Variants in AUTS2 observed in about 807,000 individuals in gnomAD.
AUTS2 encodes the protein autism susceptibility gene 2 protein.
A neutral mutation model predicts 112.4 loss-of-function variants in AUTS2; 17 were observed. That is an observed-to-expected ratio of 0.15 (90% CI 0.10 to 0.23). AUTS2 has a LOEUF of 0.23. Among genes scored for constraint, AUTS2 ranks in the 10% least tolerant of loss-of-function variants. The pLI is 1.00. For synonymous variants in AUTS2, 751 were observed against 702.7 expected (o/e 1.07, Z -1.09); for missense variants, 1,510 against 1,701.6 (o/e 0.89, Z 1.98).
intron 2 of AUTS2, among the ~76,000 whole-genome samples, chr7:70,022,767 T>C (rs150918844): frequency 1.0e-3 from 154 of 152,288 alleles, no homozygotes; most frequent in African/African-American, 3.6e-3. Context: ...GCTAGGTGCT[T>C]TGCTTTTTGC....
Position 69,997,085 on chromosome 7 carries a change from G to C in AUTS2, c.522+97587G>C, listed in dbSNP as rs80353386. Among the ~76,000 whole-genome samples the C allele has an allele frequency of 2.6e-5, 4 of 152,166 alleles. No homozygotes were observed. The East Asian group carries it at 5.8e-4, about 22-fold the overall frequency. On this transcript the variant is annotated intron_variant, in intron 2 of 18. Coordinates refer to ENST00000342771, the MANE Select transcript of AUTS2 (RefSeq NM_015570.4). ...TGTGCAGCCAGGGTTGAGATTTAAC[G>C]GTCTATCCTAAGTGCTTCTTAAGGT...
chr7:70,508,340 G>C (rs1448343767), intron 5 of AUTS2, among the ~76,000 whole-genome samples: 1 of 152,192 alleles, frequency 6.6e-6, no homozygotes, highest in Non-Finnish European at 1.5e-5. Flanking sequence ...ATAGTAGCCA[G>C]GGAGAAGTGT....
chr7:69,696,226 C>G (rs1401216529), intron 1 of AUTS2, among the ~76,000 whole-genome samples: 3 of 152,154 alleles, frequency 2.0e-5, no homozygotes, highest in African/African-American at 7.2e-5. Context: ...TCAAGAGGAC[C>G]TCTGTTCTTC....
intron 4 of AUTS2, among the ~76,000 whole-genome samples, chr7:70,334,254 G>A (rs73434832): frequency 0.014 from 2,063 of 152,214 alleles, 65 homozygotes; most frequent in African/African-American, 0.047. Flanking sequence ...TCATGTTGAG[G>A]CAATTCCCTT....
chr7:70,311,146 G>T (rs962640091), intron 4 of AUTS2, among the ~76,000 whole-genome samples: 3 of 152,188 alleles, frequency 2.0e-5, no homozygotes, highest in Admixed American at 6.5e-5. Flanking sequence ...AGTGGATAAA[G>T]ATGGGACTTA....
intron 5 of AUTS2, among the ~76,000 whole-genome samples, chr7:70,696,289 A>G (rs1214556768): frequency 6.6e-6 from 1 of 152,152 alleles, no homozygotes; most frequent in Non-Finnish European, 1.5e-5. Flanking sequence ...CCACCTGGAT[A>G]GGAGAGAGAA....
chr7:69,996,202 C>T (rs1472771637), intron 2 of AUTS2, among the ~76,000 whole-genome samples: 1 of 152,206 alleles, frequency 6.6e-6, no homozygotes, highest in Non-Finnish European at 1.5e-5. Flanking sequence ...GTTCGGAACC[C>T]TGGAACCCCC....
chr7:70,763,353 G>A lies in AUTS2; in HGVS notation c.1214+12G>A, dbSNP rs763194253. ...CTCAACAGTTTAAGGTGAGTGGCCT[G>A]CTCTTCTTTGGCCTGACTTTTGCCC... On this transcript the variant is annotated intron_variant, in intron 7 of 18. Transcript: ENST00000342771. 1.4e-5 allele frequency: 22 copies of A among 1,531,646 alleles called. No homozygotes were observed. The highest frequency in any genetic ancestry group is 1.8e-5 in the Non-Finnish European group (21 of 1,136,286). 94.9% of individuals were successfully genotyped at this position (1,531,646 alleles called of 1,614,324 possible).
chr7:69,845,959 T>C (rs1792177937), intron 1 of AUTS2, among the ~76,000 whole-genome samples: 1 of 152,168 alleles, frequency 6.6e-6, no homozygotes, highest in African/African-American at 2.4e-5. Flanking sequence ...TGATACACAG[T>C]TCCTGCTTTT....
chr7:70,700,477 G>A lies in AUTS2; in HGVS notation c.742+1857G>A, dbSNP rs376769006. On this transcript the variant is annotated intron_variant, in intron 6 of 18. Coordinates refer to ENST00000342771, the MANE Select transcript of AUTS2 (RefSeq NM_015570.4). ...TTCTCCTCCAGAGTTTCCCCTTAAT[G>A]CCTTATGCTAATTCCTGTTGGTAAC... Among the ~76,000 whole-genome samples, 41 of 152,118 alleles carry A rather than the reference G, an allele frequency of 2.7e-4. No individual in the cohort carries two copies. In the East Asian group the frequency reaches 7.6e-3, roughly 28 times the overall value.
At chr7:70,441,376 C>T (rs1796117010) in intron 5 of AUTS2, among the ~76,000 whole-genome samples, 1 of 152,118 alleles carries the variant, frequency 6.6e-6, no homozygotes, top group African/African-American at 2.4e-5. Context: ...TTTCCACACA[C>T]TTTTTGGTGC....
chr7:69,919,360 G>C (rs1584441333), intron 2 of AUTS2, among the ~76,000 whole-genome samples: 2 of 152,154 alleles, frequency 1.3e-5, no homozygotes, highest in African/African-American at 4.8e-5. Flanking sequence ...ATTTCTCCTA[G>C]GTGTTACATG....
At chr7:70,166,521 A>G (rs987104597) in intron 4 of AUTS2, among the ~76,000 whole-genome samples, 8 of 152,146 alleles carry the variant, frequency 5.3e-5, no homozygotes, top group Admixed American at 3.3e-4. Context: ...AGGTTTCTGT[A>G]CAATACATGA....
chr7:70,303,432 G>GCACACACACACACA (rs762636923), intron 4 of AUTS2, among the ~76,000 whole-genome samples: 14 of 103,162 alleles, frequency 1.4e-4, no homozygotes, highest in African/African-American at 5.2e-4. Context: ...ACGCGCGCGC[G>GCACACACACACACA]CGCACATACA....
At chr7:69,964,172 A>T (rs1382850476) in intron 2 of AUTS2, among the ~76,000 whole-genome samples, 1 of 151,890 alleles carries the variant, frequency 6.6e-6, no homozygotes, top group Non-Finnish European at 1.5e-5. Flanking sequence ...TCTCAGGGAG[A>T]CTCTTCTATG....
intron 2 of AUTS2, among the ~76,000 whole-genome samples, chr7:70,058,858 A>AT (rs1228600027): frequency 6.6e-6 from 1 of 152,110 alleles, no homozygotes; most frequent in African/African-American, 2.4e-5. Context: ...CATACACTTC[A>AT]TTTTTTAGAG....
intron 5 of AUTS2, among the ~76,000 whole-genome samples, chr7:70,474,289 C>G (rs1797500722): frequency 6.6e-6 from 1 of 152,180 alleles, no homozygotes; most frequent in South Asian, 2.1e-4. Flanking sequence ...GTGGTGCCCC[C>G]CAGGGCAGCC....
chr7:69,654,678 T>C (rs1489837545), intron 1 of AUTS2, among the ~76,000 whole-genome samples: 2 of 151,834 alleles, frequency 1.3e-5, no homozygotes, highest in Non-Finnish European at 2.9e-5. Context: ...GTTTTCGAGG[T>C]CACTGCCAGG....
At chr7:70,023,120 C>T (rs998999596) in intron 2 of AUTS2, among the ~76,000 whole-genome samples, 3 of 152,182 alleles carry the variant, frequency 2.0e-5, no homozygotes, top group African/African-American at 7.2e-5. Context: ...GTTGGAATTA[C>T]ATGTGTGAGC....
Sources: allele counts gnomAD v4.1 joint callset (sites outside exome capture counted in the v4.1 genomes callset), GRCh38; gene constraint gnomAD v4.1.1; transcripts MANE v1.5; gene names NCBI Gene and HGNC (gene_info 2026-07-23, HGNC 2026-07-21).